NPAS2: variants seen among roughly 807,000 people sequenced by gnomAD.
The protein encoded by NPAS2 is neuronal PAS domain protein 2, also known as neuronal PAS domain-containing protein 2.
Under a neutral mutation model 107.5 loss-of-function variants are expected in NPAS2, and 23 were observed. That is an observed-to-expected ratio of 0.21 (90% CI 0.15 to 0.30). The LOEUF is 0.30. Ranked by LOEUF, NPAS2 falls within the 10% of genes least tolerant of loss-of-function variation. The pLI is 1.00. For missense variants in NPAS2, 756 were observed against 1,043.3 expected, an observed-to-expected ratio of 0.72 and a Z score of 3.79; for synonymous variants, 403 against 417.5, an observed-to-expected ratio of 0.97 and a Z score of 0.42.
intron 1 of NPAS2, among the ~76,000 whole-genome samples, chr2:100,846,451 G>A (rs540886785): frequency 1.2e-4 from 19 of 152,134 alleles, no homozygotes; most frequent in Admixed American, 1.2e-3. Flanking sequence ...GTGTTTGTAC[G>A]TTTAAATTAA....
chr2:100,944,571 G>A (rs375079317), intron 5 of NPAS2, among the ~76,000 whole-genome samples: 27 of 152,252 alleles, frequency 1.8e-4, no homozygotes, highest in South Asian at 6.2e-4. Flanking sequence ...TCAAGGGACC[G>A]TTCAACTGCC....
At chr2:100,888,409 A>G (rs1680846615) in intron 1 of NPAS2, among the ~76,000 whole-genome samples, 1 of 152,098 alleles carries the variant, frequency 6.6e-6, no homozygotes, top group Non-Finnish European at 1.5e-5. Context: ...CTAGTAGGGT[A>G]GAAAGTGTTG....
Position 100,839,983 on chromosome 2 carries a change from C to T in NPAS2, c.-23+19569C>T, listed in dbSNP as rs371290525. Among the ~76,000 whole-genome samples the T allele has an allele frequency of 9.9e-5, 15 of 152,182 alleles. No homozygotes were observed. The East Asian group carries it at 2.1e-3, about 22-fold the overall frequency. ...GCTCATGGTTAGTAGATGCAGAGTG[C>T]GTGAAGGCAGATTTTTCTCATCTAT... is the stretch of plus-strand genomic sequence containing the variant. On this transcript the variant is annotated intron_variant, in intron 1 of 20. Transcript: ENST00000335681.
intron 1 of NPAS2, among the ~76,000 whole-genome samples, chr2:100,834,725 T>G (rs1676952489): frequency 6.6e-6 from 1 of 152,020 alleles, no homozygotes; most frequent in Non-Finnish European, 1.5e-5. Flanking sequence ...GGAGTCTCAC[T>G]CTGTTGCCCA....
At chr2:100,828,328 G>A (rs1354195877) in intron 1 of NPAS2, among the ~76,000 whole-genome samples, 1 of 152,096 alleles carries the variant, frequency 6.6e-6, no homozygotes, top group Non-Finnish European at 1.5e-5. Context: ...TGAATAGTTT[G>A]TAAATATGTT....
upstream of NPAS2, chr2:100,820,047 T>TGGGG (rs911045403): frequency 4.7e-5 from 3 of 63,226 alleles, no homozygotes; most frequent in Non-Finnish European, 7.2e-5. This position sits in a 1 kb window ranked among gnomAD's most constrained non-coding sequence, Gnocchi z 5.6. Flanking sequence ...AGGAGGAGGG[T>TGGGG]GGGGGTAGGA....
intron 1 of NPAS2, among the ~76,000 whole-genome samples, chr2:100,851,480 G>C (rs1678172071): frequency 1.3e-5 from 2 of 152,182 alleles, no homozygotes; most frequent in South Asian, 4.1e-4. Flanking sequence ...CTCCTCCCAA[G>C]GGAGTAAGCC....
At chr2:100,878,578 G>A in intron 1 of NPAS2, 5 of 985,370 alleles carry the variant, frequency 5.1e-6, no homozygotes, top group Non-Finnish European at 6.0e-6. Context: ...GGCCGTGTGT[G>A]GTACATTAAG....
At chr2:100,859,121 G>A (rs189315656) in intron 1 of NPAS2, among the ~76,000 whole-genome samples, 8 of 152,250 alleles carry the variant, frequency 5.3e-5, no homozygotes, top group South Asian at 2.1e-4. Context: ...AAAATTAGCC[G>A]GGCATGGTAA....
chr2:100,984,393 A>G (rs1320200178), intron 16 of NPAS2: 1 of 152,256 alleles, frequency 6.6e-6, no homozygotes, highest in Non-Finnish European at 1.5e-5. Flanking sequence ...AGAGGGATAG[A>G]TAAAATAAGA....
Position 100,965,013 on chromosome 2 carries a change from T to C in NPAS2, c.800+70T>C. On this transcript the variant is annotated intron_variant, in intron 9 of 20. Transcript: ENST00000335681. This position sits in a 1 kb window ranked among gnomAD's most constrained non-coding sequence, Gnocchi z 4.3. ...CTTGTTTGCGTGAGCCAGGCTCTCC[T>C]TGGGAGAGAAGAGTCGGCCCTGGTC... 6 of 1,047,442 alleles carry C rather than the reference T, an allele frequency of 5.7e-6. No individual in the cohort carries two copies. The highest frequency in any genetic ancestry group is 2.6e-5 in the East Asian group (1 of 38,118). 64.9% of individuals were successfully genotyped at this position (1,047,442 alleles called of 1,614,324 possible).
chr2:100,895,563 C>T (rs1273988478), intron 1 of NPAS2, among the ~76,000 whole-genome samples: 4 of 152,236 alleles, frequency 2.6e-5, no homozygotes, highest in African/African-American at 9.6e-5. Flanking sequence ...CTCTGCCTGC[C>T]AGCAGCAGGG....
Position 100,833,208 on chromosome 2 carries a change from C to T in NPAS2, c.-23+12794C>T, listed in dbSNP as rs188911826. 5.0e-4 allele frequency among the ~76,000 whole-genome samples: 76 copies of T among 152,322 alleles called. 1 individual carries two copies. Among genetic ancestry groups the T allele is most frequent in the East Asian group, 4.4e-3 (23 of 5,190 alleles). On this transcript the variant is annotated intron_variant, in intron 1 of 20. Coordinates refer to ENST00000335681, the MANE Select transcript of NPAS2 (RefSeq NM_002518.4). ...CATGGCCCATAGCAGAAAGCTTTGA[C>T]GCCCTGATATGGTCACTGTGACCAA...
At chr2:100,964,969 G>T in intron 9 of NPAS2, 26 bp downstream of exon 9, 1 of 1,478,998 alleles carries the variant, frequency 6.8e-7, no homozygotes, top group Non-Finnish European at 9.1e-7. Context: ...AACATATTTG[G>T]GTTGGGCCCT....
At position 100,885,897 on chromosome 2, in the gene NPAS2, G is replaced by A. The variant is rs1680668953; in HGVS notation, c.-22-18836G>A. On this transcript the variant is annotated intron_variant, in intron 1 of 20. Coordinates refer to ENST00000335681, the MANE Select transcript of NPAS2 (RefSeq NM_002518.4). ...GCTGGCCTCAAACTCCCGACCTCAG[G>A]TGATCTGCCTGCCTCAGCCTCCCAA... 3.9e-5 allele frequency among the ~76,000 whole-genome samples: 6 copies of A among 152,226 alleles called. No individual in the cohort carries two copies. The South Asian group carries it at 1.2e-3, about 32-fold the overall frequency.
chr2:100,881,424 C>T (rs1311124124), intron 1 of NPAS2, among the ~76,000 whole-genome samples: 1 of 152,212 alleles, frequency 6.6e-6, no homozygotes, highest in East Asian at 1.9e-4. Context: ...GGGGGCTCAC[C>T]CCTGTGCTCC....
chr2:100,985,200 C>A (rs1677710950), intron 16 of NPAS2: 1 of 152,274 alleles, frequency 6.6e-6, no homozygotes, highest in South Asian at 2.1e-4. Context: ...ATCCAGCCAT[C>A]ATCTATCCAT....
chr2:100,921,525 C>T (rs1683226666), intron 2 of NPAS2, among the ~76,000 whole-genome samples: 1 of 152,170 alleles, frequency 6.6e-6, no homozygotes, highest in Non-Finnish European at 1.5e-5. Flanking sequence ...CCTTCCCTTC[C>T]TCCCTCCCTT....
intron 15 of NPAS2, among the ~76,000 whole-genome samples, chr2:100,979,502 ATTTTTTTTTTTTT>A (rs757799235): frequency 4.6e-5 from 2 of 43,314 alleles, no homozygotes; most frequent in African/African-American, 2.0e-4. Context: ...ATATATATAT[ATTTTTTTTTTTTT>A]TTTTTTTTTT....
Sources: gnomAD v4.1 joint callset for allele counts (sites outside exome capture counted in the v4.1 genomes callset) on GRCh38, gnomAD v4.1.1 for gene constraint, Gnocchi (gnomAD v3.1) non-coding constraint, MANE v1.5 for transcripts, NCBI Gene and HGNC (gene_info 2026-07-23, HGNC 2026-07-21) for gene names.